Variants in SSBP3 observed in about 807,000 individuals in gnomAD.
The protein encoded by SSBP3 is single-stranded DNA-binding protein 3.
SSBP3 carries 5 observed loss-of-function variants against 69.6 expected under a neutral mutation model. The observed-to-expected ratio is 0.07, with a 90% confidence interval of 0.04 to 0.15. The LOEUF (loss-of-function observed/expected upper bound fraction) is 0.15. SSBP3 is among the 10% of genes least tolerant of loss of function. The pLI is 1.00. For synonymous variants in SSBP3, 196 were observed against 193.4 expected, an observed-to-expected ratio of 1.01 and a Z score of -0.11; for missense variants, 312 against 534.0, an observed-to-expected ratio of 0.58 and a Z score of 4.10.
At chr1:54,265,911 C>T (rs1378519335) in intron 5 of SSBP3, among the ~76,000 whole-genome samples, 1 of 152,216 alleles carries the variant, frequency 6.6e-6, no homozygotes, top group Non-Finnish European at 1.5e-5. Flanking sequence ...AATCTGGCTT[C>T]CCTGGACAGC....
chr1:54,232,357 A>G (rs1266051725), intron 14 of SSBP3, among the ~76,000 whole-genome samples: 1 of 152,228 alleles, frequency 6.6e-6, no homozygotes, highest in Non-Finnish European at 1.5e-5. Context: ...AGTGCACTCA[A>G]GTGATCCACC....
chr1:54,228,072 A>G (rs1272679341), intron 17 of SSBP3, among the ~76,000 whole-genome samples, 183 bp downstream of exon 17: 1 of 152,236 alleles, frequency 6.6e-6, no homozygotes, highest in Non-Finnish European at 1.5e-5. Context: ...CCCCACCAGC[A>G]GGCAGTCTCA....
upstream of SSBP3, among the ~76,000 whole-genome samples, chr1:54,410,602 T>C (rs1344597624): frequency 2.6e-5 from 4 of 152,226 alleles, no homozygotes; most frequent in South Asian, 6.2e-4. Flanking sequence ...CGGTCAGCTC[T>C]GGTTTTAGCA....
intron 11 of SSBP3, 42 bp from the exon 12 acceptor site, chr1:54,241,551 A>G (rs1191400653): frequency 6.2e-7 from 1 of 1,608,834 alleles, no homozygotes; most frequent in African/African-American, 1.3e-5. Context: ...AGAGTCACTG[A>G]GTGCCCTCAG....
chr1:54,324,802 T>G (rs1486738627), intron 4 of SSBP3, among the ~76,000 whole-genome samples: 1 of 152,208 alleles, frequency 6.6e-6, no homozygotes, highest in African/African-American at 2.4e-5. Flanking sequence ...CGCTGGCCCC[T>G]GAGAACAGGC....
chr1:54,335,985 G>A (rs1646500507), intron 4 of SSBP3: 1 of 152,294 alleles, frequency 6.6e-6, no homozygotes. Context: ...GAGCCAGAGA[G>A]ATGGGCGCCA....
chr1:54,351,982 G>C (rs1380529572), intron 4 of SSBP3, among the ~76,000 whole-genome samples: 1 of 152,210 alleles, frequency 6.6e-6, no homozygotes, highest in Admixed American at 6.5e-5. Flanking sequence ...TCCACAGCAT[G>C]GAAGGCAAAA....
chr1:54,401,978 A>G (rs754209886), intron 3 of SSBP3, 33 bp from the exon 4 acceptor site: 1 of 1,585,660 alleles, frequency 6.3e-7, no homozygotes. Flanking sequence ...AGGTCAGGTT[A>G]CTAATTATTA....
At chr1:54,394,384 C>A (rs1421869406) in intron 4 of SSBP3, among the ~76,000 whole-genome samples, 1 of 152,070 alleles carries the variant, frequency 6.6e-6, no homozygotes, top group African/African-American at 2.4e-5. Context: ...CCCCCACTGC[C>A]CCCCCAACTC....
intron 4 of SSBP3, among the ~76,000 whole-genome samples, chr1:54,378,652 CAAGGCGCTGA>C (rs930591114): frequency 6.6e-6 from 1 of 152,164 alleles, no homozygotes; most frequent in African/African-American, 2.4e-5. Flanking sequence ...CCTTTTAGTC[CAAGGCGCTGA>C]CAGCCAGGCC....
At chr1:54,242,756 C>A (rs996963796) in intron 10 of SSBP3, 43 of 164,236 alleles carry the variant, frequency 2.6e-4, no homozygotes, top group African/African-American at 9.6e-4. Flanking sequence ...TCGAGACCAC[C>A]CTGGCCAACA....
chr1:54,307,029 C>A (rs1268508673), intron 4 of SSBP3, among the ~76,000 whole-genome samples: 2 of 152,128 alleles, frequency 1.3e-5, no homozygotes, highest in African/African-American at 2.4e-5. Flanking sequence ...CTGTTCCCTG[C>A]CCACAGCCTC....
chr1:54,281,661 AAGCCCTCCT>A, intron 4 of SSBP3, 134 bp from the exon 5 acceptor site: 1 of 805,574 alleles, frequency 1.2e-6, no homozygotes, highest in South Asian at 1.5e-5. Context: ...TTTCTACTTA[AAGCCCTCCT>A]AGCGTCCCAG....
intron 4 of SSBP3, among the ~76,000 whole-genome samples, chr1:54,382,150 T>C (rs1647703113): frequency 6.6e-6 from 1 of 152,202 alleles, no homozygotes; most frequent in South Asian, 2.1e-4. Flanking sequence ...GCCGAGACTG[T>C]GCCACTGCAC....
At chr1:54,276,230 C>CCT (rs1645280816) in intron 5 of SSBP3, among the ~76,000 whole-genome samples, 1 of 152,170 alleles carries the variant, frequency 6.6e-6, no homozygotes, top group Non-Finnish European at 1.5e-5. Context: ...AGCTGGGACC[C>CCT]CTCCTCCAGG....
intron 4 of SSBP3, among the ~76,000 whole-genome samples, chr1:54,282,483 C>T (rs563219250): frequency 6.6e-5 from 10 of 152,352 alleles, no homozygotes; most frequent in Admixed American, 1.3e-4. Context: ...TTAAACACTG[C>T]TGTTCTGGCA....
At chr1:54,329,740 T>C (rs992745178) in intron 4 of SSBP3, among the ~76,000 whole-genome samples, 2 of 152,212 alleles carry the variant, frequency 1.3e-5, no homozygotes, top group Non-Finnish European at 2.9e-5. Flanking sequence ...CTTGGGAATC[T>C]GGATGCCATG....
intron 9 of SSBP3, among the ~76,000 whole-genome samples, chr1:54,244,264 G>A (rs960019493): frequency 1.1e-4 from 16 of 147,222 alleles, no homozygotes; most frequent in South Asian, 2.2e-4. Context: ...CGACCATGTC[G>A]GGCTGATATT....
intron 4 of SSBP3, among the ~76,000 whole-genome samples, chr1:54,389,970 T>G (rs887612107): frequency 2.0e-5 from 3 of 152,156 alleles, no homozygotes; most frequent in African/African-American, 7.2e-5. Context: ...CCTCATTTCC[T>G]TCTCTACAAA....
Sources: gnomAD v4.1 joint callset for allele counts (sites outside exome capture counted in the v4.1 genomes callset) on GRCh38, gnomAD v4.1.1 for gene constraint, MANE v1.5 for transcripts, NCBI Gene and HGNC (gene_info 2026-07-23, HGNC 2026-07-21) for gene names.